KLHDC1: variants seen among roughly 807,000 people sequenced by gnomAD.
KLHDC1 encodes the protein kelch domain-containing protein 1.
A neutral mutation model predicts 68.3 loss-of-function variants in KLHDC1; 53 were observed. The ratio of observed to expected loss-of-function variants is 0.78; its 90% CI spans 0.62 to 0.98. The LOEUF (loss-of-function observed/expected upper bound fraction) is 0.98. Among genes scored for constraint, KLHDC1 ranks in the 50% least tolerant of loss-of-function variants. KLHDC1 has a pLI of 0.00. For missense variants in KLHDC1, 470 were observed against 492.3 expected (o/e 0.95, Z 0.43); for synonymous variants, 148 against 159.0 (o/e 0.93, Z 0.52).
At chr14:49,720,584 T>C (rs1464713746) in intron 4 of KLHDC1, among the ~76,000 whole-genome samples, 1 of 152,114 alleles carries the variant, frequency 6.6e-6, no homozygotes, top group African/African-American at 2.4e-5. Flanking sequence ...TGGAGTGTGC[T>C]GAGCTTCTTG....
Position 49,695,787 on chromosome 14 carries a change from G to A in KLHDC1, c.96+2497G>A, listed in dbSNP as rs768737744. On this transcript the variant is annotated intron_variant, in intron 1 of 12. Coordinates refer to ENST00000359332, the MANE Select transcript of KLHDC1 (RefSeq NM_172193.3). ...CACGTTAAAAAATCTATTGTTGGCC[G>A]GGCACGTTGGCTCACGCCTGTAATC... Among the ~76,000 whole-genome samples the A allele has an allele frequency of 1.3e-4, 20 of 152,100 alleles. 1 individual carries two copies. Among genetic ancestry groups the A allele is most frequent in the Non-Finnish European group, 2.4e-4 (16 of 68,008 alleles).
At chr14:49,702,596 T>A (rs1032455024) in intron 1 of KLHDC1, among the ~76,000 whole-genome samples, 13 of 152,342 alleles carry the variant, frequency 8.5e-5, no homozygotes, top group African/African-American at 3.1e-4. Flanking sequence ...ATTGTCAGGG[T>A]ATTTATTCTA....
intron 5 of KLHDC1, 139 bp from the exon 6 acceptor site, chr14:49,725,547 G>C (rs11157705): frequency 4.7e-6 from 2 of 423,522 alleles, no homozygotes; most frequent in Non-Finnish European, 8.5e-6. Context: ...CCGTGTATCC[G>C]TTGGCTTTGT....
At chr14:49,694,166 T>C (rs1368193616) in intron 1 of KLHDC1, among the ~76,000 whole-genome samples, 1 of 152,234 alleles carries the variant, frequency 6.6e-6, no homozygotes, top group Non-Finnish European at 1.5e-5. Context: ...TATTATGCTT[T>C]AAAATTCTTA....
At position 49,693,297 on chromosome 14, in the gene KLHDC1, G is replaced by A. The variant is rs770586768; in HGVS notation, c.96+7G>A. ...CGTGTGGGGGGGCTACGTGGTAAGGGGAAGAGGCGGGACGGGGTAGACTCG... is the reference window on the plus strand; with the variant it reads ...CGTGTGGGGGGGCTACGTGGTAAGGAGAAGAGGCGGGACGGGGTAGACTCG... On this transcript the variant is annotated splice_region_variant and intron_variant, in intron 1 of 12. Transcript: ENST00000359332. 15 of 1,525,954 alleles carry A rather than the reference G, an allele frequency of 9.8e-6. No homozygotes were observed. The African/African-American group carries it at 1.9e-4, about 19-fold the overall frequency. 94.5% of individuals were successfully genotyped at this position (1,525,954 alleles called of 1,614,324 possible). A position where few individuals can be genotyped will look rare whatever the true frequency, so the allele number is the denominator to read the frequency against.
intron 11 of KLHDC1, among the ~76,000 whole-genome samples, chr14:49,741,596 G>C (rs902068628): frequency 6.6e-6 from 1 of 151,982 alleles, no homozygotes; most frequent in South Asian, 2.1e-4. Context: ...CATCAGCACC[G>C]TGCCTGGCCT....
At chr14:49,738,060 G>A (rs957877619) in intron 10 of KLHDC1, among the ~76,000 whole-genome samples, 7 of 151,718 alleles carry the variant, frequency 4.6e-5, no homozygotes, top group Admixed American at 1.3e-4. Context: ...ATGGAGTCTC[G>A]CTCTGTCATC....
chr14:49,713,797 G>GGTAT (rs1888271591), intron 4 of KLHDC1, among the ~76,000 whole-genome samples: 1 of 79,978 alleles, frequency 1.3e-5, no homozygotes, highest in African/African-American at 4.9e-5. Context: ...TGAGGCAGGA[G>GGTAT]GTATATATAT....
chr14:49,696,654 C>G (rs1887751402), intron 1 of KLHDC1, among the ~76,000 whole-genome samples: 1 of 152,156 alleles, frequency 6.6e-6, no homozygotes, highest in African/African-American at 2.4e-5. Context: ...GATCTTGTAT[C>G]CAGACCACTA....
chr14:49,703,172 T>C (rs1442828535), intron 1 of KLHDC1, among the ~76,000 whole-genome samples: 1 of 152,062 alleles, frequency 6.6e-6, no homozygotes, highest in East Asian at 1.9e-4. Context: ...TATTGTTTAT[T>C]ATGCAGGATA....
chr14:49,713,867 TCC>T (rs1888297344), intron 4 of KLHDC1, among the ~76,000 whole-genome samples: 3 of 92,320 alleles, frequency 3.2e-5, no homozygotes, highest in Admixed American at 2.9e-4. Flanking sequence ...TTTTTTTTTT[TCC>T]TGAGACAGAG....
At chr14:49,736,362 GA>G (rs1888929767) in intron 10 of KLHDC1, among the ~76,000 whole-genome samples, 1 of 152,078 alleles carries the variant, frequency 6.6e-6, no homozygotes, top group Non-Finnish European at 1.5e-5. Context: ...TCAGTCTGTA[GA>G]AAAAACATCA....
intron 12 of KLHDC1, among the ~76,000 whole-genome samples, chr14:49,750,763 G>C (rs1341237105): frequency 6.6e-6 from 1 of 152,090 alleles, no homozygotes; most frequent in Admixed American, 6.6e-5. Context: ...AGATTAAAAA[G>C]GGCATTGTAC....
chr14:49,737,206 C>A (rs1888948717), intron 10 of KLHDC1, among the ~76,000 whole-genome samples: 1 of 152,118 alleles, frequency 6.6e-6, no homozygotes, highest in South Asian at 2.1e-4. Flanking sequence ...ATCCTTGACC[C>A]CACCACGTAA....
intron 4 of KLHDC1, among the ~76,000 whole-genome samples, chr14:49,716,973 A>G (rs1456631928): frequency 1.3e-5 from 2 of 152,130 alleles, no homozygotes; most frequent in Non-Finnish European, 2.9e-5. Context: ...GAATCATAAA[A>G]TGTTTGTTCT....
At position 49,705,369 on chromosome 14, in the gene KLHDC1, T is replaced by TTTTTTTTC. The variant is rs1450383022; in HGVS notation, c.97-3783_97-3782insCTTTTTTT. On this transcript the variant is annotated intron_variant, in intron 1 of 12. Transcript: ENST00000359332. ...TTTCATAATATTTCTTTCTTTCTTT[T>TTTTTTTTC]TTTTTTTTTTTTTTTTTGAGATGGA... Among the ~76,000 whole-genome samples the TTTTTTTTC allele has an allele frequency of 1.1e-4, 12 of 106,226 alleles. 1 individual carries two copies. The highest frequency in any genetic ancestry group is 1.6e-4 in the Non-Finnish European group (8 of 50,496). The allele number at this position is 106,226 out of a possible 152,430, so 69.7% of individuals were successfully genotyped here.
Position 49,732,774 on chromosome 14 carries a change from C to G in KLHDC1, c.781C>G (p.Leu261Val). The G allele has an allele frequency of 1.2e-6, 2 of 1,608,454 alleles. No homozygotes were observed. The highest frequency in any genetic ancestry group is 1.7e-6 in the Non-Finnish European group (2 of 1,175,052). ...TTTAACACCTATAGCTGATGATAAA[C>G]TTTTCCTATGTGGTGGACTAAGTGC... ...HTLTPIADDKLFLCGGLSADN... is the reference protein window; with the variant it reads ...HTLTPIADDKVFLCGGLSADN... The change falls in exon 9 of 13, where the codon CTT (leucine) becomes GTT (valine). Residue 261 changes from leucine (L) to valine (V), a missense_variant. Transcript: ENST00000359332.
chr14:49,712,626 C>T (rs1189061430), intron 4 of KLHDC1, among the ~76,000 whole-genome samples: 1 of 151,912 alleles, frequency 6.6e-6, no homozygotes, highest in African/African-American at 2.4e-5. Flanking sequence ...CTCAGCCTCC[C>T]GAGTAGCTGG....
chr14:49,745,134 G>C (rs1009256047), intron 12 of KLHDC1, among the ~76,000 whole-genome samples: 1 of 152,196 alleles, frequency 6.6e-6, no homozygotes, highest in East Asian at 1.9e-4. Flanking sequence ...GAGAGATAAA[G>C]AGAGGGGACA....
Sources: allele counts gnomAD v4.1 joint callset (sites outside exome capture counted in the v4.1 genomes callset), GRCh38; gene constraint gnomAD v4.1.1; transcripts MANE v1.5; gene names NCBI Gene and HGNC (gene_info 2026-07-23, HGNC 2026-07-21).